The following SLCO2B1 variants were observed in gnomAD, a reference collection of about 807,000 sequenced individuals.
SLCO2B1 encodes solute carrier organic anion transporter family member 2B1.
Under a neutral mutation model 67.3 loss-of-function variants are expected in SLCO2B1, and 41 were observed. The ratio of observed to expected loss-of-function variants is 0.61; its 90% confidence interval spans 0.47 to 0.79. SLCO2B1 has a LOEUF of 0.79. Ranked by LOEUF, SLCO2B1 falls within the 30% of genes least tolerant of loss-of-function variation. The probability of loss-of-function intolerance (pLI) is 0.00; values close to 1 mark genes in which losing one functional copy is unlikely to be tolerated. For synonymous variants in SLCO2B1, 379 were observed against 381.4 expected (o/e 0.99, Z 0.07); for missense variants, 837 against 920.1 (o/e 0.91, Z 1.17).
intron 1 of SLCO2B1, among the ~76,000 whole-genome samples, chr11:75,156,539 C>A (rs1486405300): frequency 6.6e-6 from 1 of 152,076 alleles, no homozygotes; most frequent in East Asian, 1.9e-4. Context: ...GAGGTGTCTG[C>A]CATTATCATG....
At chr11:75,197,709 TTCAG>T (rs989880095) in intron 10 of SLCO2B1, among the ~76,000 whole-genome samples, 2 of 152,082 alleles carry the variant, frequency 1.3e-5, no homozygotes, top group Non-Finnish European at 2.9e-5. Context: ...CTAGCGAGCA[TTCAG>T]TCAGTCAGTC....
intron 7 of SLCO2B1, among the ~76,000 whole-genome samples, chr11:75,186,030 C>T (rs549044240): frequency 2.1e-4 from 32 of 152,108 alleles, no homozygotes; most frequent in Non-Finnish European, 3.5e-4. Flanking sequence ...GCTAAGAATG[C>T]CTGACTTTCT....
At chr11:75,200,153 C>T (rs1160977457) in intron 10 of SLCO2B1, 71 bp from the exon 11 acceptor site, 32 of 1,493,302 alleles carry the variant, frequency 2.1e-5, no homozygotes, top group South Asian at 1.3e-4. Flanking sequence ...AAGCCTTCCC[C>T]GCTGCAAGCC....
chr11:75,163,111 C>T (rs573612369), intron 2 of SLCO2B1, among the ~76,000 whole-genome samples: 3 of 152,242 alleles, frequency 2.0e-5, no homozygotes, highest in Admixed American at 2.0e-4. Context: ...TACTGGGAGT[C>T]CTAGCTCCAC....
At chr11:75,180,854 C>A (rs574378806) in intron 7 of SLCO2B1, among the ~76,000 whole-genome samples, 40 of 152,302 alleles carry the variant, frequency 2.6e-4, no homozygotes, top group African/African-American at 9.6e-4. Flanking sequence ...GATTAAGTAA[C>A]CTGGTCACAT....
intron 4 of SLCO2B1, 62 bp from the exon 5 acceptor site, chr11:75,169,111 C>CA: frequency 7.4e-7 from 1 of 1,356,682 alleles, no homozygotes; most frequent in Admixed American, 2.2e-5. Flanking sequence ...TACCTTCCCC[C>CA]GGGGTAAGCG....
intron 5 of SLCO2B1, 62 bp from the exon 6 acceptor site, chr11:75,169,604 A>G: frequency 7.0e-7 from 1 of 1,422,292 alleles, no homozygotes; most frequent in Non-Finnish European, 9.7e-7. Context: ...GAGACTGGGC[A>G]AGCACTGGTC....
chr11:75,173,363 G>A (rs1356861309), intron 7 of SLCO2B1, among the ~76,000 whole-genome samples: 1 of 152,222 alleles, frequency 6.6e-6, no homozygotes, highest in African/African-American at 2.4e-5. Context: ...CACCCTGCAT[G>A]AAGGATTTGG....
chr11:75,159,914 C>G (rs1949795179), intron 1 of SLCO2B1: 1 of 968,936 alleles, frequency 1.0e-6, no homozygotes, highest in Non-Finnish European at 1.2e-6. Context: ...GGTGAGCAGG[C>G]TCCATGAGTG....
chr11:75,164,210 C>T (rs1336293632), intron 3 of SLCO2B1, 110 bp downstream of exon 3: 2 of 1,188,236 alleles, frequency 1.7e-6, no homozygotes, highest in Non-Finnish European at 2.3e-6. Flanking sequence ...CTCCCAGTGC[C>T]CTCAGGCAAC....
chr11:75,183,467 C>T (rs1022635521), intron 7 of SLCO2B1, among the ~76,000 whole-genome samples: 3 of 152,166 alleles, frequency 2.0e-5, no homozygotes, highest in African/African-American at 7.2e-5. Context: ...CACAAAGATG[C>T]CTCCTAATTC....
chr11:75,164,208 G>A, intron 3 of SLCO2B1, 108 bp downstream of exon 3: 1 of 1,238,002 alleles, frequency 8.1e-7, no homozygotes, highest in Non-Finnish European at 1.1e-6. Flanking sequence ...CCCTCCCAGT[G>A]CCCTCAGGCA....
rs1159746186 is a variant in SLCO2B1, at chr11:75,169,367, G to T, written c.643G>T (p.Asp215Tyr). ...PIQPFGISYI[D>Y]DFAHNSNSPL... ...TCAGCCCTTTGGCATCTCCTACATC[G>T]ATGACTTTGCCCACAACAGCAACTC... Residue 215 changes from aspartate to tyrosine, a missense_variant, in exon 5 of 14, where the codon GAT (aspartate) becomes TAT (tyrosine). Physicochemically the swap from Asp to Tyr is radical, Grantham distance 160. Coordinates refer to ENST00000289575, the MANE Select transcript of SLCO2B1 (RefSeq NM_007256.5). 2 of 1,610,038 alleles carry T rather than the reference G, an allele frequency of 1.2e-6. No homozygotes were observed. Among genetic ancestry groups the T allele is most frequent in the East Asian group, 4.5e-5 (2 of 44,772 alleles).
At chr11:75,196,840 C>T (rs562154493) in intron 10 of SLCO2B1, among the ~76,000 whole-genome samples, 161 bp downstream of exon 10, 54 of 152,322 alleles carry the variant, frequency 3.5e-4, no homozygotes, top group African/African-American at 1.3e-3. Context: ...TCACAATAAG[C>T]TTTCACTGGC....
chr11:75,151,318 C>A lies in SLCO2B1; in HGVS notation c.-64C>A, dbSNP rs1387118700. Reference sequence around the variant, plus strand: ...GCCCCTGAGAAGATTTGCTTCCTCTCCCCTGCTAAGCTCCAGGTCCTGAGA... The same window carrying A: ...GCCCCTGAGAAGATTTGCTTCCTCTACCCTGCTAAGCTCCAGGTCCTGAGA... On this transcript the variant is annotated 5_prime_UTR_variant, in exon 1 of 14. Coordinates refer to ENST00000289575, the MANE Select transcript of SLCO2B1 (RefSeq NM_007256.5). 2.6e-6 allele frequency: 4 copies of A among 1,533,272 alleles called. No homozygotes were observed. Among genetic ancestry groups the A allele is most frequent in the African/African-American group, 2.7e-5 (2 of 73,476 alleles). The allele number at this position is 1,533,272 out of a possible 1,614,324, so 95.0% of individuals were successfully genotyped here.
At chr11:75,152,697 C>G (rs1009824296) in intron 1 of SLCO2B1, among the ~76,000 whole-genome samples, 2 of 152,092 alleles carry the variant, frequency 1.3e-5, no homozygotes, top group Non-Finnish European at 2.9e-5. Flanking sequence ...TTTTTCTGAC[C>G]CCTGCAGGGC....
chr11:75,154,848 A>G (rs923786272), intron 1 of SLCO2B1, among the ~76,000 whole-genome samples: 3 of 152,220 alleles, frequency 2.0e-5, no homozygotes, highest in Non-Finnish European at 2.9e-5. Context: ...AGATGGGATA[A>G]CATGGACCCC....
intron 7 of SLCO2B1, among the ~76,000 whole-genome samples, chr11:75,184,203 T>A (rs542043019): frequency 1.2e-4 from 18 of 152,286 alleles, no homozygotes; most frequent in African/African-American, 4.1e-4. Flanking sequence ...CTTGCGCTCC[T>A]CTTGCAATTG....
chr11:75,178,291 C>T (rs752045606), intron 7 of SLCO2B1, among the ~76,000 whole-genome samples: 5 of 152,032 alleles, frequency 3.3e-5, no homozygotes, highest in South Asian at 2.1e-4. Flanking sequence ...ATCTGCATCT[C>T]GGGGTCTTTA....
Sources: gnomAD v4.1 joint callset for allele counts (sites outside exome capture counted in the v4.1 genomes callset) on GRCh38, gnomAD v4.1.1 for gene constraint, MANE v1.5 for transcripts, NCBI Gene and HGNC (gene_info 2026-07-23, HGNC 2026-07-21) for gene names.